CDC42BPA: variants seen among roughly 807,000 people sequenced by gnomAD.
CDC42BPA encodes the protein CDC42 binding protein kinase alpha.
In CDC42BPA, 80 loss-of-function variants were observed where a neutral mutation model predicts 223.5. The observed-to-expected ratio is 0.36, with a 90% CI of 0.30 to 0.43. The LOEUF (loss-of-function observed/expected upper bound fraction) is 0.43. Among genes scored for constraint, CDC42BPA ranks in the 20% least tolerant of loss-of-function variants. CDC42BPA has a pLI of 1.00. For missense variants in CDC42BPA, 1,743 were observed against 2,099.9 expected, an observed-to-expected ratio of 0.83 and a Z score of 3.32; for synonymous variants, 694 against 718.6, an observed-to-expected ratio of 0.97 and a Z score of 0.55.
chr1:227,151,236 A>G (rs1345412974), intron 6 of CDC42BPA, among the ~76,000 whole-genome samples: 1 of 152,230 alleles, frequency 6.6e-6, no homozygotes, highest in Non-Finnish European at 1.5e-5. Flanking sequence ...TATCTCACAT[A>G]AGTGGAATCA....
intron 9 of CDC42BPA, among the ~76,000 whole-genome samples, chr1:227,142,533 T>C (rs569302285): frequency 6.6e-6 from 1 of 152,354 alleles, no homozygotes; most frequent in Non-Finnish European, 1.5e-5. Context: ...ACTCTATTTT[T>C]TAAAAAGTTT....
chr1:227,113,352 A>G (rs1687236759), intron 12 of CDC42BPA, among the ~76,000 whole-genome samples: 3 of 152,252 alleles, frequency 2.0e-5, no homozygotes. Flanking sequence ...AACTTAGAGG[A>G]GAGCTAAAGT....
chr1:227,161,195 A>G (rs1273131831), intron 5 of CDC42BPA, among the ~76,000 whole-genome samples: 3 of 152,220 alleles, frequency 2.0e-5, no homozygotes, highest in Non-Finnish European at 4.4e-5. Flanking sequence ...TGTTAAGTCA[A>G]TGGTGTGTAA....
chr1:227,226,824 T>G (rs1265157878), intron 2 of CDC42BPA, among the ~76,000 whole-genome samples: 1 of 151,998 alleles, frequency 6.6e-6, no homozygotes, highest in African/African-American at 2.4e-5. Context: ...AACTGGAAAG[T>G]AGTAAGAGTA....
In CDC42BPA at chr1:227,016,941, C is replaced by T; in HGVS notation, c.4725G>A (p.Arg1575=). The change falls in exon 33 of 37, where the codon AGG becomes AGA. Residue 1575 remains arginine, a synonymous_variant. Transcript: ENST00000366766. ...TAAGTATCTACCTCCTCTGCTGCATCCTTTCCTCTTCTGGGACTCTGAAGG... is the reference window on the plus strand; with the variant it reads ...TAAGTATCTACCTCCTCTGCTGCATTCTTTCCTCTTCTGGGACTCTGAAGG... The part of the protein sequence containing the change: ...RYSFRVPEEE[R]MQQRREMLRD... The T allele has an allele frequency of 1.9e-6, 3 of 1,612,396 alleles. No homozygotes were observed. The highest frequency in any genetic ancestry group is 2.5e-6 in the Non-Finnish European group (3 of 1,179,210).
intron 16 of CDC42BPA, among the ~76,000 whole-genome samples, chr1:227,089,091 T>A (rs1352796158): frequency 6.6e-6 from 1 of 152,224 alleles, no homozygotes; most frequent in Non-Finnish European, 1.5e-5. Flanking sequence ...ATCTAATTTT[T>A]AAAAATTTAT....
chr1:226,993,156 G>C lies in CDC42BPA; in HGVS notation c.*1112C>G, dbSNP rs1402287309. ...CCAGCCCTGGGACAGACACCTCGCT[G>C]TGACTTAGGGAGGGACAGGATTAGC... On this transcript the variant is annotated 3_prime_UTR_variant, in exon 37 of 37. Transcript: ENST00000366766. The C allele has an allele frequency of 6.6e-6, 1 of 152,256 alleles. No homozygotes were observed. Among genetic ancestry groups the C allele is most frequent in the African/African-American group, 2.4e-5 (1 of 41,444 alleles). 9.4% of individuals were successfully genotyped at this position (152,256 alleles called of 1,614,324 possible).
chr1:227,036,001 CAT>C (rs1241957342), intron 24 of CDC42BPA, among the ~76,000 whole-genome samples: 5 of 152,188 alleles, frequency 3.3e-5, no homozygotes, highest in African/African-American at 7.2e-5. Context: ...CACTAGTGGG[CAT>C]TAAGCTACCT....
At chr1:227,121,850 G>A (rs1420114395) in intron 11 of CDC42BPA, among the ~76,000 whole-genome samples, 2 of 149,398 alleles carry the variant, frequency 1.3e-5, no homozygotes, top group African/African-American at 2.5e-5. Flanking sequence ...ACCCAGGCTG[G>A]AGAGCTATGG....
At chr1:226,995,098 G>T in intron 35 of CDC42BPA, 118 bp from the exon 36 acceptor site, 1 of 842,276 alleles carries the variant, frequency 1.2e-6, no homozygotes. Context: ...CTCCTCCCCT[G>T]AAGCGCAGTA....
chr1:227,268,576 G>A (rs1176952427), intron 1 of CDC42BPA, among the ~76,000 whole-genome samples: 1 of 146,790 alleles, frequency 6.8e-6, no homozygotes, highest in East Asian at 2.0e-4. Flanking sequence ...TATATATAGT[G>A]TATATATATA....
chr1:227,045,796 A>G (rs73089755), intron 23 of CDC42BPA, among the ~76,000 whole-genome samples: 23,453 of 152,012 alleles, frequency 0.15, 2,185 homozygotes, highest in African/African-American at 0.25. Context: ...TTCCTTCAAC[A>G]AAAACAGGAA....
chr1:226,999,473 G>A (rs1358777923), intron 35 of CDC42BPA, among the ~76,000 whole-genome samples: 1 of 152,140 alleles, frequency 6.6e-6, no homozygotes, highest in Non-Finnish European at 1.5e-5. Flanking sequence ...ACCGCGCCCA[G>A]CCTAGGAATG....
chr1:227,094,085 G>A (rs988123215), intron 15 of CDC42BPA, among the ~76,000 whole-genome samples: 4 of 152,140 alleles, frequency 2.6e-5, no homozygotes, highest in African/African-American at 9.7e-5. Context: ...TCACAGCAGA[G>A]ACTAGATATA....
At chr1:227,000,089 AAAGTATAAT>A (rs985424676) in intron 35 of CDC42BPA, among the ~76,000 whole-genome samples, 1 of 111,636 alleles carries the variant, frequency 9.0e-6, no homozygotes, top group Non-Finnish European at 1.9e-5. Flanking sequence ...CCCAGAACTT[AAAGTATAAT>A]AATAATAATA....
intron 3 of CDC42BPA, among the ~76,000 whole-genome samples, chr1:227,201,939 A>G (rs116404973): frequency 0.06 from 9,104 of 152,256 alleles, 275 homozygotes; most frequent in Non-Finnish European, 0.072. Flanking sequence ...CCACAAGGAA[A>G]ATTCAACAGC....
intron 21 of CDC42BPA, among the ~76,000 whole-genome samples, chr1:227,060,031 T>TG (rs1191502130): frequency 9.0e-5 from 2 of 22,296 alleles, no homozygotes; most frequent in East Asian, 0.011. Context: ...TTTTTTTTTG[T>TG]TTTTTTTTTT....
At chr1:227,161,852 G>A (rs1027675196) in intron 5 of CDC42BPA, among the ~76,000 whole-genome samples, 5 of 152,194 alleles carry the variant, frequency 3.3e-5, no homozygotes, top group African/African-American at 1.2e-4. Flanking sequence ...GTAGATGATA[G>A]ATGGTTGCTA....
intron 2 of CDC42BPA, among the ~76,000 whole-genome samples, chr1:227,250,843 G>A (rs1310347654): frequency 2.0e-5 from 3 of 152,106 alleles, no homozygotes; most frequent in Non-Finnish European, 4.4e-5. Context: ...CTTGAGCCTT[G>A]GAGTTTGAGA....
Sources: allele counts gnomAD v4.1 joint callset (sites outside exome capture counted in the v4.1 genomes callset), GRCh38; gene constraint gnomAD v4.1.1; transcripts MANE v1.5; gene names NCBI Gene and HGNC (gene_info 2026-07-23, HGNC 2026-07-21).